Variants in TRPC4 observed in about 807,000 individuals in gnomAD.
The protein encoded by TRPC4 is short transient receptor potential channel 4.
Under a neutral mutation model 99.4 loss-of-function variants are expected in TRPC4, and 49 were observed. That is an observed-to-expected ratio of 0.49 (90% CI 0.39 to 0.63). TRPC4 has a LOEUF of 0.63. TRPC4 is among the 20% of genes least tolerant of loss of function. TRPC4 has a pLI of 0.00. For synonymous variants in TRPC4, 454 were observed against 425.9 expected (o/e 1.07, Z -0.81); for missense variants, 898 against 1,152.9 (o/e 0.78, Z 3.20).
At chr13:37,722,821 A>T (rs895267154) in intron 3 of TRPC4, among the ~76,000 whole-genome samples, 2 of 152,310 alleles carry the variant, frequency 1.3e-5, no homozygotes, top group Non-Finnish European at 2.9e-5. Flanking sequence ...TGCATGAAAA[A>T]AAAAAGATGA....
intron 3 of TRPC4, among the ~76,000 whole-genome samples, chr13:37,732,080 C>T (rs1314076368): frequency 6.6e-6 from 1 of 152,004 alleles, no homozygotes; most frequent in African/African-American, 2.4e-5. Context: ...TGAGCTCATA[C>T]CTAATGTACC....
intron 2 of TRPC4, among the ~76,000 whole-genome samples, chr13:37,775,925 T>A (rs866813955): frequency 6.6e-6 from 1 of 151,824 alleles, no homozygotes; most frequent in African/African-American, 2.4e-5. Context: ...TTCAAAGCGA[T>A]TATTTACCTA....
At chr13:37,724,414 A>G (rs910692703) in intron 3 of TRPC4, among the ~76,000 whole-genome samples, 1 of 152,216 alleles carries the variant, frequency 6.6e-6, no homozygotes, top group African/African-American at 2.4e-5. Context: ...AAAAGGGTCT[A>G]TAACTTTTAT....
rs765793884 is a variant in TRPC4, at chr13:37,636,880, G to A, written c.*23C>T. On this transcript the variant is annotated 3_prime_UTR_variant, in exon 11 of 11. Transcript: ENST00000379705. Reference sequence around the variant, plus strand: ...ACTACGGAAAATACGTATGTGTATGGTAAACGCTTCCTCCTTCAAGTATCA... The same window carrying A: ...ACTACGGAAAATACGTATGTGTATGATAAACGCTTCCTCCTTCAAGTATCA... The A allele has an allele frequency of 1.9e-6, 3 of 1,594,508 alleles. No individual in the cohort carries two copies. The highest frequency in any genetic ancestry group is 2.6e-6 in the Non-Finnish European group (3 of 1,170,212).
chr13:37,756,462 A>G (rs931255302), intron 2 of TRPC4, among the ~76,000 whole-genome samples: 3 of 152,140 alleles, frequency 2.0e-5, no homozygotes, highest in Non-Finnish European at 4.4e-5. Flanking sequence ...ACTGGTGGAT[A>G]AGAGAAAAGA....
chr13:37,785,625 C>A (rs1229550909), intron 1 of TRPC4, among the ~76,000 whole-genome samples: 2 of 151,994 alleles, frequency 1.3e-5, no homozygotes, highest in African/African-American at 4.8e-5. Flanking sequence ...ATGCACACAT[C>A]AGTTCTGCAG....
intron 1 of TRPC4, among the ~76,000 whole-genome samples, chr13:37,822,894 A>C (rs1958057679): frequency 2.0e-5 from 3 of 149,482 alleles, no homozygotes; most frequent in Admixed American, 6.7e-5. Flanking sequence ...CCAACAGTGT[A>C]AAAGTGTTCC....
intron 1 of TRPC4, among the ~76,000 whole-genome samples, chr13:37,835,137 G>A (rs906088943): frequency 6.6e-6 from 1 of 151,994 alleles, no homozygotes; most frequent in Admixed American, 6.6e-5. Flanking sequence ...TTGCCAATAT[G>A]AAACCTGTTT....
At chr13:37,711,690 A>C (rs907403023) in intron 3 of TRPC4, among the ~76,000 whole-genome samples, 1 of 152,030 alleles carries the variant, frequency 6.6e-6, no homozygotes, top group African/African-American at 2.4e-5. Context: ...TCTTTACATA[A>C]TTTTTTATTT....
intron 3 of TRPC4, among the ~76,000 whole-genome samples, chr13:37,710,796 T>A (rs1954458191): frequency 6.6e-6 from 1 of 151,884 alleles, no homozygotes. Flanking sequence ...ATGGATTTTA[T>A]CAGTTACAGA....
chr13:37,818,081 T>G (rs1257313782), intron 1 of TRPC4, among the ~76,000 whole-genome samples: 1 of 151,766 alleles, frequency 6.6e-6, no homozygotes, highest in East Asian at 1.9e-4. Context: ...AAGAAAATGA[T>G]TAATAGCGTG....
intron 7 of TRPC4, 141 bp from the exon 8 acceptor site, chr13:37,651,600 G>GAGAC: frequency 1.4e-6 from 1 of 721,682 alleles, no homozygotes. Context: ...CTGACTCCCA[G>GAGAC]AGACAGTCAT....
intron 3 of TRPC4, among the ~76,000 whole-genome samples, chr13:37,745,469 TATATACAC>T (rs778750312): frequency 0.3 from 2,548 of 8,574 alleles, 41 homozygotes; most frequent in Non-Finnish European, 0.41. Flanking sequence ...TATATATATA[TATATACAC>T]ACACACACAC....
chr13:37,671,819 C>G (rs1952854851), intron 5 of TRPC4, among the ~76,000 whole-genome samples: 1 of 152,182 alleles, frequency 6.6e-6, no homozygotes, highest in Non-Finnish European at 1.5e-5. Context: ...GAACCCAACT[C>G]AAAAACATAC....
At chr13:37,728,351 AG>A (rs1419558673) in intron 3 of TRPC4, among the ~76,000 whole-genome samples, 2 of 152,140 alleles carry the variant, frequency 1.3e-5, no homozygotes, top group African/African-American at 4.8e-5. Flanking sequence ...CAGAGTACAA[AG>A]TCAACTCACA....
rs1395046416 is a variant in TRPC4, at chr13:37,692,372, C to T, written c.898-37G>A. ...GGAAAGGAAAAGGAAAAATAAGTCA[C>T]AGTTACATGGAGTGGCCTCAATTCA... is the stretch of plus-strand genomic sequence containing the variant. On this transcript the variant is annotated intron_variant, in intron 3 of 10. Coordinates refer to ENST00000379705, the MANE Select transcript of TRPC4 (RefSeq NM_016179.4). 3.8e-6 allele frequency: 6 copies of T among 1,562,044 alleles called. 1 individual carries two copies. The South Asian group carries it at 5.9e-5, about 15-fold the overall frequency.
rs1593470308 is a variant in TRPC4, at chr13:37,667,550, T to A, written c.1375-3821A>T. On this transcript the variant is annotated intron_variant, in intron 5 of 10. Coordinates refer to ENST00000379705, the MANE Select transcript of TRPC4 (RefSeq NM_016179.4). ...CTTGAACTCCTGATCTCAGGTGGTC[T>A]GCCCGCCTGGGCCTCACAAAGTGCT... 4.6e-5 allele frequency among the ~76,000 whole-genome samples: 7 copies of A among 152,270 alleles called. No individual in the cohort carries two copies. The South Asian group carries it at 1.4e-3, about 32-fold the overall frequency.
At chr13:37,827,504 G>A (rs570373082) in intron 1 of TRPC4, among the ~76,000 whole-genome samples, 15 of 152,238 alleles carry the variant, frequency 9.9e-5, no homozygotes, top group African/African-American at 3.6e-4. Flanking sequence ...AGGACCCTCA[G>A]CTGCAGGTCT....
chr13:37,638,867 C>T (rs1279942681), intron 10 of TRPC4, among the ~76,000 whole-genome samples, 173 bp downstream of exon 10: 2 of 152,142 alleles, frequency 1.3e-5, no homozygotes, highest in African/African-American at 4.8e-5. Flanking sequence ...AGAAATTTCA[C>T]CACTTGCTTT....
Sources: gnomAD v4.1 joint callset for allele counts (sites outside exome capture counted in the v4.1 genomes callset) on GRCh38, gnomAD v4.1.1 for gene constraint, MANE v1.5 for transcripts, NCBI Gene and HGNC (gene_info 2026-07-23, HGNC 2026-07-21) for gene names.